Variants in ACTG1 observed in about 807,000 individuals in gnomAD.
The protein encoded by ACTG1 is actin gamma 1, also known as actin, cytoplasmic 2.
ACTG1 carries 14 observed loss-of-function variants against 34.3 expected under a neutral mutation model. The observed-to-expected ratio is 0.41, with a 90% CI of 0.27 to 0.64. ACTG1 has a LOEUF of 0.64. Ranked by LOEUF, ACTG1 falls within the 30% of genes least tolerant of loss-of-function variation. The pLI is 0.33. For synonymous variants in ACTG1, 422 were observed against 213.9 expected (o/e 1.97, Z -8.49); for missense variants, 233 against 529.5 (o/e 0.44, Z 5.50).
intron 3 of ACTG1, 65 bp from the exon 4 acceptor site, chr17:81,511,691 C>A: frequency 6.4e-7 from 1 of 1,551,090 alleles, no homozygotes; most frequent in Admixed American, 1.8e-5. Flanking sequence ...TGCTCACACG[C>A]CACAACATGC....
In ACTG1 at chr17:81,510,148, A is replaced by G. The variant is rs530294125; in HGVS notation, c.*542T>C. On this transcript the variant is annotated 3_prime_UTR_variant, in exon 6 of 6. Coordinates refer to ENST00000573283, the MANE Select transcript of ACTG1 (RefSeq NM_001614.5). ...AATACATTTACAGGCGTAAATGCAAACCGCTTCCAACTCAAAGCAAGTAAC... is the reference window on the plus strand; with the variant it reads ...AATACATTTACAGGCGTAAATGCAAGCCGCTTCCAACTCAAAGCAAGTAAC... 2 of 515,786 alleles carry G rather than the reference A, an allele frequency of 3.9e-6. No homozygotes were observed. Among genetic ancestry groups the G allele is most frequent in the Admixed American group, 4.7e-5 (2 of 42,622 alleles). 32.0% of individuals were successfully genotyped at this position (515,786 alleles called of 1,614,324 possible).
chr17:81,511,921 G>A lies in ACTG1; in HGVS notation c.345C>T (p.Asn115=), dbSNP rs149057480. The A allele has an allele frequency of 1.7e-4, 280 of 1,614,010 alleles. 1 individual carries two copies. The highest frequency in any genetic ancestry group is 3.4e-5 in the Non-Finnish European group (40 of 1,180,038). The part of the protein sequence containing the change: ...LTEAPLNPKA[N]REKMTQIMFE... ...GCCTCACCTGAGTCATCTTCTCTCTGTTGGCCTTGGGGTTCAGGGGGGCCT... is the reference window on the plus strand; with the variant it reads ...GCCTCACCTGAGTCATCTTCTCTCTATTGGCCTTGGGGTTCAGGGGGGCCT... The change falls in exon 3 of 6, where the codon AAC becomes AAT. Residue 115 remains asparagine, a synonymous_variant. Transcript: ENST00000573283.
In ACTG1 at chr17:81,512,494, C is replaced by T. The variant is rs1185029879; in HGVS notation, c.-6-134G>A. On this transcript the variant is annotated intron_variant, in intron 1 of 5. Transcript: ENST00000573283. ...CGGCCGTGGCCTCCAAGATCGCAAC[C>T]GCCTGGAACCGAAGGCCGGGCCTTT... 11 of 1,433,062 alleles carry T rather than the reference C, an allele frequency of 7.7e-6. No individual in the cohort carries two copies. In the South Asian group the frequency reaches 8.1e-5, roughly 11 times the overall value. 88.8% of individuals were successfully genotyped at this position (1,433,062 alleles called of 1,614,324 possible).
intron 1 of ACTG1, 122 bp from the exon 2 acceptor site, chr17:81,512,482 C>T (rs1048961610): frequency 3.9e-6 from 6 of 1,527,418 alleles, no homozygotes; most frequent in Non-Finnish European, 5.4e-6. Context: ...CCGTGGCCTC[C>T]AAGATCGCAA....
At chr17:81,510,882 C>T in intron 5 of ACTG1, 45 bp downstream of exon 5, 1 of 1,613,714 alleles carries the variant, frequency 6.2e-7, no homozygotes, top group Non-Finnish European at 8.5e-7. Flanking sequence ...GCCCCCCAGT[C>T]AGCTCTCCCG....
At chr17:81,512,420 C>G (rs2031870954) in intron 1 of ACTG1, 60 bp from the exon 2 acceptor site, 1 of 1,612,898 alleles carries the variant, frequency 6.2e-7, no homozygotes, top group African/African-American at 1.3e-5. Context: ...CTCCCCACAG[C>G]CACCTAATGC....
rs782637403 is a variant in ACTG1 at position 81,510,663 on chromosome 17, C to G, written c.*27G>C. On this transcript the variant is annotated 3_prime_UTR_variant, in exon 6 of 6. Coordinates refer to ENST00000573283, the MANE Select transcript of ACTG1 (RefSeq NM_001614.5). The stretch of plus-strand genomic sequence containing the variant: ...TTCTATTCTCAATTAACCCATGCAG[C>G]AAATGCTACGCATCTGCTGAGTCCG... 1 of 1,613,408 alleles carries G rather than the reference C, an allele frequency of 6.2e-7. No homozygotes were observed. Among genetic ancestry groups the G allele is most frequent in the Non-Finnish European group, 8.5e-7 (1 of 1,179,928 alleles).
chr17:81,511,014 C>G lies in ACTG1; in HGVS notation c.897G>C (p.Leu299=). 6.2e-7 allele frequency: 1 copy of G among 1,614,046 alleles called. No individual in the cohort carries two copies. The highest frequency in any genetic ancestry group is 8.5e-7 in the Non-Finnish European group (1 of 1,180,030). Reference sequence around the variant, plus strand: ...CCGGGTACATGGTGGTGCCGCCCGACAGCACCGTGTTGGCGTACAGGTCTT... The same window carrying G: ...CCGGGTACATGGTGGTGCCGCCCGAGAGCACCGTGTTGGCGTACAGGTCTT... The part of the protein sequence containing the change: ...IRKDLYANTV[L]SGGTTMYPGI... The change falls in exon 5 of 6, where the codon CTG becomes CTC. Residue 299 remains leucine, a synonymous_variant. Transcript: ENST00000573283.
chr17:81,512,500 G>T, intron 1 of ACTG1, 140 bp from the exon 2 acceptor site: 2 of 1,398,736 alleles, frequency 1.4e-6, no homozygotes, highest in Non-Finnish European at 2.0e-6. Flanking sequence ...CAACCGCCTG[G>T]AACCGAAGGC....
Position 81,511,992 on chromosome 17 carries a change from T to C in ACTG1, c.274A>G (p.Asn92Asp). 6.2e-7 allele frequency: 1 copy of C among 1,614,056 alleles called. No homozygotes were observed. The highest frequency in any genetic ancestry group is 8.5e-7 in the Non-Finnish European group (1 of 1,180,034). Residue 92 changes from asparagine (N) to aspartate (D), a missense_variant, in exon 3 of 6, where the codon AAC (asparagine) becomes GAC (aspartate). Transcript: ENST00000573283. The part of the protein sequence containing the change: ...MEKIWHHTFY[N>D]ELRVAPEEHP... ...TCCTCCGGGGCCACGCGCAGCTCGT[T>C]GTAGAAGGTGTGGTGCCAGATCTTC...
rs1555667060 is a variant in ACTG1 at position 81,511,947 on chromosome 17, C to T, written c.319G>A (p.Glu107Lys). The T allele has an allele frequency of 1.2e-6, 2 of 1,614,054 alleles. No homozygotes were observed. Among genetic ancestry groups the T allele is most frequent in the Non-Finnish European group, 1.7e-6 (2 of 1,180,038 alleles). ...TTGGCCTTGGGGTTCAGGGGGGCCT[C>T]GGTCAGCAGCACTGGGTGCTCCTCC... ...APEEHPVLLTEAPLNPKANRE... is the reference protein window; with the variant it reads ...APEEHPVLLTKAPLNPKANRE... The change falls in exon 3 of 6, where the codon GAG becomes AAG. Residue 107 changes from glutamate to lysine, a missense_variant. Transcript: ENST00000573283.
In ACTG1 at chr17:81,512,453, C is replaced by T. The variant is rs1214167655; in HGVS notation, c.-6-93G>A. On this transcript the variant is annotated intron_variant, in intron 1 of 5. Transcript: ENST00000573283. ...TGCCCTCCCGCGGGGAAGCCTCGGC[C>T]CTGCCCCAACCCCAGCGGCCGTGGC... The T allele has an allele frequency of 4.9e-5, 79 of 1,602,094 alleles. 1 individual carries two copies. In the East Asian group the frequency reaches 1.3e-3, roughly 27 times the overall value.
chr17:81,511,414 G>A lies in ACTG1; in HGVS notation c.576C>T (p.Ile192=), dbSNP rs186443800. ...TGAAGCTGTAGCCTCGCTCAGTGAGGATCTTCATGAGGTAGTCGGTCAGGT... is the reference window on the plus strand; with the variant it reads ...TGAAGCTGTAGCCTCGCTCAGTGAGAATCTTCATGAGGTAGTCGGTCAGGT... ...GRDLTDYLMK[I]LTERGYSFTT... Residue 192 remains isoleucine, a synonymous_variant, in exon 4 of 6, where the codon ATC becomes ATT. Transcript: ENST00000573283. 4.4e-5 allele frequency: 71 copies of A among 1,613,944 alleles called. No individual in the cohort carries two copies. In the Admixed American group the frequency reaches 7.7e-4, roughly 17 times the overall value.
chr17:81,512,183 C>T, intron 2 of ACTG1, 41 bp from the exon 3 acceptor site: 1 of 1,613,362 alleles, frequency 6.2e-7, no homozygotes, highest in South Asian at 1.1e-5. Flanking sequence ...CGACACCGAA[C>T]CCACCCCGCA....
chr17:81,511,416 T>C lies in ACTG1; in HGVS notation c.574A>G (p.Ile192Val). ...AAGCTGTAGCCTCGCTCAGTGAGGA[T>C]CTTCATGAGGTAGTCGGTCAGGTCC... is the stretch of plus-strand genomic sequence containing the variant. ...GRDLTDYLMK[I>V]LTERGYSFTT... Residue 192 changes from isoleucine (I) to valine (V), a missense_variant, in exon 4 of 6, where the codon ATC becomes GTC. Physicochemically the swap from Ile to Val is conservative, Grantham distance 29 (BLOSUM62 3). Coordinates refer to ENST00000573283, the MANE Select transcript of ACTG1 (RefSeq NM_001614.5). 2 of 1,613,884 alleles carry C rather than the reference T, an allele frequency of 1.2e-6. No individual in the cohort carries two copies. Among genetic ancestry groups the C allele is most frequent in the Non-Finnish European group, 8.5e-7 (1 of 1,180,024 alleles).
Position 81,511,642 on chromosome 17 carries a change from G to C in ACTG1, c.364-16C>G. 1 of 1,610,914 alleles carries C rather than the reference G, an allele frequency of 6.2e-7. No homozygotes were observed. Among genetic ancestry groups the C allele is most frequent in the Non-Finnish European group, 8.5e-7 (1 of 1,178,630 alleles). On this transcript the variant is annotated splice_polypyrimidine_tract_variant and intron_variant, in intron 3 of 5. Transcript: ENST00000573283. ...CAAACATAATCTGAGAAGGGACAAG[G>C]GGCGGCTTAGTCAGGGACAGAGACC...
rs551082079 is a variant in ACTG1 at position 81,509,979 on chromosome 17, G to A, written c.*711C>T. On this transcript the variant is annotated 3_prime_UTR_variant, in exon 6 of 6. Coordinates refer to ENST00000573283, the MANE Select transcript of ACTG1 (RefSeq NM_001614.5). ...CAAACAGGAGCCATTCATTGGTTAC[G>A]GCAGCACTTTTATTTTTCCTTACAC... 2.3e-5 allele frequency: 9 copies of A among 390,514 alleles called. No homozygotes were observed. Among genetic ancestry groups the A allele is most frequent in the African/African-American group, 6.3e-5 (3 of 47,310 alleles). The allele number at this position is 390,514 out of a possible 1,614,324, so 24.2% of individuals were successfully genotyped here.
chr17:81,510,193 A>C lies in ACTG1; in HGVS notation c.*497T>G. ...AGTAACAGCCCACGGTGTTCTGGCC[A>C]AAGACATCAGCTAAGAAAGGAAACT... On this transcript the variant is annotated 3_prime_UTR_variant, in exon 6 of 6. Transcript: ENST00000573283. 1.9e-6 allele frequency: 1 copy of C among 530,366 alleles called. No individual in the cohort carries two copies. The highest frequency in any genetic ancestry group is 1.5e-5 in the South Asian group (1 of 65,742). The allele number at this position is 530,366 out of a possible 1,614,324, so 32.9% of individuals were successfully genotyped here.
intron 3 of ACTG1, 107 bp downstream of exon 3, chr17:81,511,796 A>T: frequency 2.5e-6 from 4 of 1,586,390 alleles, no homozygotes; most frequent in Non-Finnish European, 3.4e-6. Flanking sequence ...CCGGGAGAGG[A>T]ACAGAGCCTG....
Sources: allele counts gnomAD v4.1 joint callset, GRCh38; gene constraint gnomAD v4.1.1; transcripts MANE v1.5; gene names NCBI Gene and HGNC (gene_info 2026-07-23, HGNC 2026-07-21).